PTPRD: variants seen among roughly 807,000 people sequenced by gnomAD.
PTPRD encodes protein tyrosine phosphatase receptor type D.
PTPRD carries 34 observed loss-of-function variants against 214.5 expected under a neutral mutation model. That is an observed-to-expected ratio of 0.16 (90% CI 0.12 to 0.21). The LOEUF is 0.21. Among genes scored for constraint, PTPRD ranks in the 10% least tolerant of loss-of-function variants. The probability of loss-of-function intolerance (pLI) is 1.00; values close to 1 mark genes in which losing one functional copy is unlikely to be tolerated. For synonymous variants in PTPRD, 1,128 were observed against 845.7 expected (o/e 1.33, Z -5.79); for missense variants, 2,545 against 2,398.7 (o/e 1.06, Z -1.27).
At chr9:9,252,976 C>T (rs1045906679) in intron 9 of PTPRD, among the ~76,000 whole-genome samples, 1 of 151,950 alleles carries the variant, frequency 6.6e-6, no homozygotes, top group Admixed American at 6.6e-5. Context: ...GGACATTAAA[C>T]AAAAATAAGA....
intron 11 of PTPRD, among the ~76,000 whole-genome samples, chr9:8,798,561 G>T (rs993065676): frequency 1.3e-5 from 2 of 152,174 alleles, no homozygotes; most frequent in Non-Finnish European, 2.9e-5. Context: ...ATAGCTTCCT[G>T]TTGCATTCAA....
chr9:8,773,546 C>A (rs1219014480), intron 11 of PTPRD, among the ~76,000 whole-genome samples: 1 of 152,154 alleles, frequency 6.6e-6, no homozygotes, highest in African/African-American at 2.4e-5. Flanking sequence ...TTGTTTCACA[C>A]AGGAGAATAA....
intron 4 of PTPRD, among the ~76,000 whole-genome samples, chr9:10,011,076 A>C (rs2154105820): frequency 6.6e-6 from 1 of 152,120 alleles, no homozygotes; most frequent in Non-Finnish European, 1.5e-5. Flanking sequence ...TAATTGCTTT[A>C]AGAAGAAAGT....
chr9:8,333,803 CATAGGCTCAACATA>C (rs545031316), intron 43 of PTPRD, among the ~76,000 whole-genome samples: 89 of 151,870 alleles, frequency 5.9e-4, no homozygotes, highest in African/African-American at 2.1e-3. Context: ...CAGAGATACA[CATAGGCTCAACATA>C]AAGGGATGGA....
chr9:8,410,488 A>C (rs1468353650), intron 35 of PTPRD, among the ~76,000 whole-genome samples: 1 of 152,124 alleles, frequency 6.6e-6, no homozygotes, highest in Non-Finnish European at 1.5e-5. Context: ...TTAGTTATCA[A>C]ATCTTACTGA....
intron 35 of PTPRD, among the ~76,000 whole-genome samples, chr9:8,428,202 T>G (rs1010103377): frequency 6.6e-6 from 1 of 152,002 alleles, no homozygotes; most frequent in Non-Finnish European, 1.5e-5. Flanking sequence ...AAGCCCGGAG[T>G]GGCAGGCAGA....
chr9:8,503,420 A>C (rs530089440), intron 23 of PTPRD, among the ~76,000 whole-genome samples: 1 of 152,270 alleles, frequency 6.6e-6, no homozygotes, highest in East Asian at 1.9e-4. Flanking sequence ...TAACTCAACA[A>C]AACTCTTCAA....
chr9:8,403,214 G>C (rs578097292), intron 36 of PTPRD, among the ~76,000 whole-genome samples: 1 of 152,288 alleles, frequency 6.6e-6, no homozygotes, highest in African/African-American at 2.4e-5. Context: ...GTGGTCAGCA[G>C]AGATTTTGGA....
At position 10,198,486 on chromosome 9, in the gene PTPRD, G is replaced by T. The variant is rs143444666; in HGVS notation, c.-545+142477C>A. Reference sequence around the variant, plus strand: ...AAAGTTGTAATGATTGCCTGAAGAGGCGGGTCAAAAAAAGATTCACAGGAC... The same window carrying T: ...AAAGTTGTAATGATTGCCTGAAGAGTCGGGTCAAAAAAAGATTCACAGGAC... On this transcript the variant is annotated intron_variant, in intron 3 of 45. Transcript: ENST00000381196. Among the ~76,000 whole-genome samples, 981 of 152,170 alleles carry T rather than the reference G, an allele frequency of 6.4e-3. 3 individuals are homozygous for T. The highest frequency in any genetic ancestry group is 8.8e-3 in the Non-Finnish European group (597 of 67,976).
At chr9:10,142,140 C>G (rs1291837973) in intron 3 of PTPRD, among the ~76,000 whole-genome samples, 1 of 152,112 alleles carries the variant, frequency 6.6e-6, no homozygotes, top group Non-Finnish European at 1.5e-5. Flanking sequence ...GGATTAAAGA[C>G]TTGAATGTTA....
chr9:10,462,474 C>T (rs923769877), intron 2 of PTPRD, among the ~76,000 whole-genome samples: 1 of 152,062 alleles, frequency 6.6e-6, no homozygotes, highest in Non-Finnish European at 1.5e-5. Context: ...GAAGCAGTAC[C>T]GGATTTAGCC....
chr9:8,454,577 C>T (rs770463882), intron 33 of PTPRD: 1 of 1,613,146 alleles, frequency 6.2e-7, no homozygotes, highest in South Asian at 1.1e-5. Flanking sequence ...CTCTATTCCT[C>T]ACCTGTCGGG....
chr9:9,393,213 G>C (rs1482403112), intron 9 of PTPRD, among the ~76,000 whole-genome samples: 1 of 130,928 alleles, frequency 7.6e-6, no homozygotes, highest in South Asian at 2.5e-4. Flanking sequence ...GTGATAGACT[G>C]AACCATGCCT....
At chr9:9,168,972 C>T (rs976109896) in intron 10 of PTPRD, among the ~76,000 whole-genome samples, 1 of 151,500 alleles carries the variant, frequency 6.6e-6, no homozygotes, top group Non-Finnish European at 1.5e-5. Flanking sequence ...TGGATATATA[C>T]TTTTTATTTC....
intron 12 of PTPRD, among the ~76,000 whole-genome samples, chr9:8,647,129 A>G (rs1377607097): frequency 6.6e-6 from 1 of 152,226 alleles, no homozygotes; most frequent in Non-Finnish European, 1.5e-5. Flanking sequence ...GTGTATCATC[A>G]TAGGACTGAA....
intron 9 of PTPRD, among the ~76,000 whole-genome samples, chr9:9,238,489 G>C (rs571571700): frequency 6.6e-6 from 1 of 152,012 alleles, no homozygotes; most frequent in Non-Finnish European, 1.5e-5. Context: ...GGAAGGCCTC[G>C]GGCATCTGAT....
At chr9:9,840,993 C>A (rs550874763) in intron 5 of PTPRD, among the ~76,000 whole-genome samples, 1 of 151,930 alleles carries the variant, frequency 6.6e-6, no homozygotes, top group South Asian at 2.1e-4. Flanking sequence ...TGAGCTAGAT[C>A]CAAACACCAT....
intron 3 of PTPRD, among the ~76,000 whole-genome samples, chr9:10,326,368 T>G (rs1410670891): frequency 6.6e-6 from 1 of 151,810 alleles, no homozygotes; most frequent in Admixed American, 6.6e-5. Context: ...ATATTCTTTG[T>G]GTGAATACAT....
intron 3 of PTPRD, among the ~76,000 whole-genome samples, chr9:10,077,940 C>G (rs770823167): frequency 6.6e-6 from 1 of 151,752 alleles, no homozygotes; most frequent in Non-Finnish European, 1.5e-5. Context: ...TTACTATACT[C>G]TAAGTAACTT....
Sources: allele counts gnomAD v4.1 joint callset (sites outside exome capture counted in the v4.1 genomes callset), GRCh38; gene constraint gnomAD v4.1.1; transcripts MANE v1.5; gene names NCBI Gene and HGNC (gene_info 2026-07-23, HGNC 2026-07-21).